The following HTT variants were observed in gnomAD, a reference collection of about 807,000 sequenced individuals.
The protein encoded by HTT is huntingtin.
Under a neutral mutation model 362.3 loss-of-function variants are expected in HTT, and 104 were observed. That is an observed-to-expected ratio of 0.29 (90% CI 0.24 to 0.34). HTT has a LOEUF of 0.34. Among genes scored for constraint, HTT ranks in the 10% least tolerant of loss-of-function variants. HTT has a pLI of 1.00. For synonymous variants in HTT, 1,577 were observed against 1,548.7 expected (o/e 1.02, Z -0.43); for missense variants, 3,301 against 3,928.6 (o/e 0.84, Z 4.27).
chr4:3,101,456 C>A (rs1026766968), intron 3 of HTT, among the ~76,000 whole-genome samples: 1 of 152,174 alleles, frequency 6.6e-6, no homozygotes, highest in South Asian at 2.1e-4. Flanking sequence ...GGGCTGGCAG[C>A]GGGATCAGGA....
rs1553921541 is a variant in HTT at position 3,233,359 on chromosome 4, T to TG, written c.8456+9dup. 6.3e-7 allele frequency: 1 copy of TG among 1,588,286 alleles called. No individual in the cohort carries two copies. The highest frequency in any genetic ancestry group is 8.6e-7 in the Non-Finnish European group (1 of 1,159,468). ...AACCTGAAAGGGATCGCCCAGTGAG[T>TG]GGGAGCCTGGCTGGGGCTGGGGCGG... On this transcript the variant is annotated splice_region_variant and intron_variant, in intron 61 of 66. Coordinates refer to ENST00000355072, the MANE Select transcript of HTT (RefSeq NM_001388492.1).
intron 37 of HTT, 36 bp from the exon 38 acceptor site, chr4:3,186,561 C>T: frequency 1.3e-6 from 2 of 1,584,070 alleles, no homozygotes; most frequent in East Asian, 2.3e-5. Flanking sequence ...TTTCTTTTGG[C>T]TTACGTAGAA....
intron 32 of HTT, 57 bp downstream of exon 32, chr4:3,174,856 CTG>C (rs1718161372): frequency 1.3e-6 from 2 of 1,573,604 alleles, no homozygotes; most frequent in Admixed American, 1.7e-5. Flanking sequence ...AGAGAGGAAA[CTG>C]GAGCTGAGAC....
intron 59 of HTT, 39 bp downstream of exon 59, chr4:3,229,048 C>G: frequency 6.3e-7 from 1 of 1,583,088 alleles, no homozygotes; most frequent in Non-Finnish European, 8.7e-7. Context: ...CCTGCACGTG[C>G]CACACGCACC....
rs1720885327 is a variant in HTT at position 3,225,832 on chromosome 4, A to G, written c.7848+89A>G. 33 of 851,416 alleles carry G rather than the reference A, an allele frequency of 3.9e-5. No homozygotes were observed. The South Asian group carries it at 5.5e-4, about 14-fold the overall frequency. The allele number at this position is 851,416 out of a possible 1,614,324, so 52.7% of individuals were successfully genotyped here. ...CACACCCAGGAGAAAAGCTCAGTGCACTTTTTAAATGAAAGGAAGTTTTCC... is the reference window on the plus strand; with the variant it reads ...CACACCCAGGAGAAAAGCTCAGTGCGCTTTTTAAATGAAAGGAAGTTTTCC... On this transcript the variant is annotated intron_variant, in intron 57 of 66. Transcript: ENST00000355072.
Position 3,150,863 on chromosome 4 carries a change from C to T in HTT, c.3498+2656C>T, listed in dbSNP as rs181848381. Reference sequence around the variant, plus strand: ...CATTCCGGCTCACACGGTGAAACCCCGTCTCTACTAAAAATACAAAAAAAA... The same window carrying T: ...CATTCCGGCTCACACGGTGAAACCCTGTCTCTACTAAAAATACAAAAAAAA... On this transcript the variant is annotated intron_variant, in intron 26 of 66. Coordinates refer to ENST00000355072, the MANE Select transcript of HTT (RefSeq NM_001388492.1). 6.1e-4 allele frequency among the ~76,000 whole-genome samples: 93 copies of T among 152,124 alleles called. No individual in the cohort carries two copies. In the East Asian group the frequency reaches 0.014, roughly 23 times the overall value.
At chr4:3,136,812 A>G (rs2110194089) in intron 21 of HTT, among the ~76,000 whole-genome samples, 1 of 152,158 alleles carries the variant, frequency 6.6e-6, no homozygotes, top group African/African-American at 2.4e-5. Context: ...TTGGGATAAA[A>G]TTTTATATAC....
intron 26 of HTT, among the ~76,000 whole-genome samples, chr4:3,151,920 T>C (rs990049484): frequency 9.2e-5 from 14 of 152,164 alleles, no homozygotes; most frequent in African/African-American, 3.4e-4. Context: ...AACAGCATTT[T>C]TTAAAAAATT....
At chr4:3,203,256 G>A (rs191400806) in intron 41 of HTT, among the ~76,000 whole-genome samples, 1 of 152,360 alleles carries the variant, frequency 6.6e-6, no homozygotes, top group East Asian at 1.9e-4. Flanking sequence ...TCTAAATCCT[G>A]AGGGATTACA....
chr4:3,202,255 C>T lies in HTT; in HGVS notation c.5577-1752C>T, dbSNP rs559861432. ...TGGGACATTCATTCGCCACCAGTAC[C>T]GGGCGGTGTATGGCCTGAGATTTGG... On this transcript the variant is annotated intron_variant, in intron 41 of 66. Transcript: ENST00000355072. Among the ~76,000 whole-genome samples, 26 of 152,270 alleles carry T rather than the reference C, an allele frequency of 1.7e-4. 1 individual carries two copies. The highest frequency in any genetic ancestry group is 3.4e-3 in the Middle Eastern group (1 of 294).
chr4:3,146,540 C>T (rs987230940), intron 24 of HTT, among the ~76,000 whole-genome samples: 1 of 152,182 alleles, frequency 6.6e-6, no homozygotes, highest in Non-Finnish European at 1.5e-5. Context: ...GTCATATGCC[C>T]TAGTAAAAGC....
chr4:3,106,967 T>A (rs1714464033), intron 5 of HTT, among the ~76,000 whole-genome samples: 1 of 152,250 alleles, frequency 6.6e-6, no homozygotes, highest in African/African-American at 2.4e-5. Flanking sequence ...CATTTAAAAA[T>A]TTTTGTTTTT....
rs543383131 is a variant in HTT, at chr4:3,098,811, A to G, written c.348-463A>G. On this transcript the variant is annotated intron_variant, in intron 2 of 66. Transcript: ENST00000355072. ...AGATAGACTGCTGAACTGATTTTCA[A>G]GGTTCCAAGAATATTGTAGGTTAAG... Among the ~76,000 whole-genome samples the G allele has an allele frequency of 1.3e-3, 203 of 152,368 alleles. 1 individual carries two copies. The highest frequency in any genetic ancestry group is 4.6e-3 in the African/African-American group (192 of 41,584).
intron 19 of HTT, 89 bp downstream of exon 19, chr4:3,134,629 A>G (rs1715976279): frequency 1.4e-5 from 16 of 1,166,614 alleles, no homozygotes; most frequent in Non-Finnish European, 2.0e-5. Flanking sequence ...GTTATCAAGT[A>G]CCCTGTCCAT....
intron 45 of HTT, among the ~76,000 whole-genome samples, chr4:3,208,494 G>T (rs1719976533): frequency 6.6e-6 from 1 of 152,168 alleles, no homozygotes; most frequent in Non-Finnish European, 1.5e-5. Context: ...TGCAGTGTTT[G>T]AGTATAAATG....
Position 3,148,160 on chromosome 4 carries a change from A to G in HTT, c.3451A>G (p.Ile1151Val). The change falls in exon 26 of 67, where the codon ATT becomes GTT. Residue 1151 changes from isoleucine (I) to valine (V), a missense_variant. By Grantham distance (29) the Ile-to-Val change is conservative. Around this residue, in one of 4 missense-constraint regions of HTT, gnomAD observed 2,316 missense variants for 2,658.5 expected, o/e 0.87. Transcript: ENST00000355072. ...LFSHLLKVIN[I>V]CAHVLDDVAP... The stretch of plus-strand genomic sequence containing the variant: ...CTCTCACCTGCTGAAGGTGATTAAC[A>G]TTTGTGCCCACGTCCTGGATGACGT... 6.2e-7 allele frequency: 1 copy of G among 1,610,880 alleles called. No individual in the cohort carries two copies. The highest frequency in any genetic ancestry group is 8.5e-7 in the Non-Finnish European group (1 of 1,178,520).
intron 23 of HTT, 85 bp downstream of exon 23, chr4:3,142,971 C>A: frequency 2.9e-6 from 3 of 1,029,050 alleles, no homozygotes; most frequent in Admixed American, 1.9e-5. Flanking sequence ...GGTCATCTTA[C>A]GGTGAGGTGC....
At chr4:3,208,707 T>G in intron 45 of HTT, 66 bp from the exon 46 acceptor site, 1 of 1,441,956 alleles carries the variant, frequency 6.9e-7, no homozygotes. Flanking sequence ...TGTGCAGAGT[T>G]TAGACTAAGA....
chr4:3,104,677 C>T (rs1235995980), intron 4 of HTT, among the ~76,000 whole-genome samples: 1 of 151,734 alleles, frequency 6.6e-6, no homozygotes, highest in East Asian at 1.9e-4. Context: ...ACTTTGGGAA[C>T]CTGAGGCAGG....
Sources: gnomAD v4.1 joint callset for allele counts (sites outside exome capture counted in the v4.1 genomes callset) on GRCh38, gnomAD v4.1.1 for gene constraint, gnomAD v4.1.1 regional missense constraint, MANE v1.5 for transcripts, NCBI Gene and HGNC (gene_info 2026-07-23, HGNC 2026-07-21) for gene names.